ASTN2: variants seen among roughly 807,000 people sequenced by gnomAD.
The protein encoded by ASTN2 is astrotactin 2, also known as astrotactin-2.
ASTN2 carries 54 observed loss-of-function variants against 139.8 expected under a neutral mutation model. The ratio of observed to expected loss-of-function variants is 0.39; its 90% CI spans 0.31 to 0.48. ASTN2 has a LOEUF of 0.48. ASTN2 is among the 20% of genes least tolerant of loss of function. The probability of loss-of-function intolerance (pLI) is 0.95; values close to 1 mark genes in which losing one functional copy is unlikely to be tolerated. For missense variants in ASTN2, 1,565 were observed against 1,725.1 expected (o/e 0.91, Z 1.64); for synonymous variants, 756 against 719.5 (o/e 1.05, Z -0.81).
intron 1 of ASTN2, among the ~76,000 whole-genome samples, chr9:117,328,115 T>C (rs1271345520): frequency 6.6e-6 from 1 of 152,184 alleles, no homozygotes; most frequent in Non-Finnish European, 1.5e-5. Context: ...TCTCGAGTCC[T>C]TGCAATTGTT....
At chr9:117,005,230 A>C (rs1588474106) in intron 7 of ASTN2, among the ~76,000 whole-genome samples, 1 of 146,982 alleles carries the variant, frequency 6.8e-6, no homozygotes, top group Non-Finnish European at 1.5e-5. Flanking sequence ...GACTACAAGC[A>C]TGTGCCACCA....
intron 22 of ASTN2, among the ~76,000 whole-genome samples, chr9:116,435,092 AAAT>A (rs1325140949): frequency 1.3e-5 from 2 of 152,218 alleles, no homozygotes; most frequent in Non-Finnish European, 2.9e-5. Flanking sequence ...GCTGGAAGTC[AAAT>A]GATACTAACA....
intron 1 of ASTN2, among the ~76,000 whole-genome samples, chr9:117,397,229 C>T: frequency 6.6e-6 from 1 of 152,040 alleles, no homozygotes; most frequent in East Asian, 1.9e-4. Flanking sequence ...AAGCATTTAT[C>T]CTTTGAGTTA....
chr9:116,744,583 G>T (rs1829184796), intron 13 of ASTN2, among the ~76,000 whole-genome samples: 1 of 152,168 alleles, frequency 6.6e-6, no homozygotes, highest in Non-Finnish European at 1.5e-5. Context: ...GAGTCAGGAA[G>T]TAGAACCTGC....
intron 20 of ASTN2, among the ~76,000 whole-genome samples, chr9:116,454,102 C>T (rs572873117): frequency 8.5e-5 from 13 of 152,190 alleles, no homozygotes; most frequent in Non-Finnish European, 1.8e-4. Context: ...CTTCTGCAAG[C>T]TCTTCCAACA....
chr9:116,613,463 T>C (rs1422918865), intron 19 of ASTN2: 2 of 152,402 alleles, frequency 1.3e-5, no homozygotes, highest in African/African-American at 4.8e-5. Context: ...TGAACATCGA[T>C]GCAAAAATCT....
At chr9:117,205,763 C>T (rs138859519) in intron 3 of ASTN2, among the ~76,000 whole-genome samples, 9 of 152,208 alleles carry the variant, frequency 5.9e-5, no homozygotes, top group Non-Finnish European at 1.2e-4. Flanking sequence ...GTGTCTGAAC[C>T]GGGATCTCCA....
At chr9:116,759,172 G>T (rs10817930) in intron 13 of ASTN2, among the ~76,000 whole-genome samples, 17 of 152,018 alleles carry the variant, frequency 1.1e-4, no homozygotes, top group Admixed American at 2.0e-4. Context: ...GAGCCACCAT[G>T]GTTGGCCCAT....
intron 1 of ASTN2, among the ~76,000 whole-genome samples, chr9:117,296,951 G>A (rs1026817678): frequency 5.3e-5 from 8 of 152,128 alleles, no homozygotes; most frequent in Non-Finnish European, 8.8e-5. Flanking sequence ...ATCCTGCCTC[G>A]GTGGCCACTG....
intron 5 of ASTN2, among the ~76,000 whole-genome samples, chr9:117,040,299 T>C (rs1481844310): frequency 1.3e-5 from 2 of 152,180 alleles, no homozygotes; most frequent in African/African-American, 2.4e-5. Context: ...AAGCCCTCCA[T>C]TCTCCTTAGA....
At chr9:116,761,025 G>C (rs890253033) in intron 13 of ASTN2, among the ~76,000 whole-genome samples, 1 of 152,234 alleles carries the variant, frequency 6.6e-6, no homozygotes, top group Non-Finnish European at 1.5e-5. Context: ...GAAATGGGCA[G>C]CTCTGGCTGG....
At chr9:117,122,673 C>T (rs1829587574) in intron 4 of ASTN2, among the ~76,000 whole-genome samples, 2 of 152,092 alleles carry the variant, frequency 1.3e-5, no homozygotes, top group Admixed American at 6.6e-5. Context: ...GACAATCCTC[C>T]CTTTTGCTTG....
intron 19 of ASTN2, among the ~76,000 whole-genome samples, chr9:116,599,780 G>A (rs547246865): frequency 3.9e-5 from 6 of 152,302 alleles, no homozygotes; most frequent in Non-Finnish European, 8.8e-5. Flanking sequence ...TAATGTCTGA[G>A]AGGGGAATTT....
At chr9:117,159,414 G>A (rs964712640) in intron 3 of ASTN2, among the ~76,000 whole-genome samples, 2 of 152,000 alleles carry the variant, frequency 1.3e-5, no homozygotes, top group Non-Finnish European at 2.9e-5. Context: ...TGAGGAAGGC[G>A]GATGAAGGTT....
chr9:117,303,970 G>C (rs769539243), intron 1 of ASTN2, among the ~76,000 whole-genome samples: 1 of 152,190 alleles, frequency 6.6e-6, no homozygotes, highest in Non-Finnish European at 1.5e-5. Flanking sequence ...GCTTGATGGA[G>C]GCAGAGAGAA....
At chr9:117,103,336 C>A (rs10122000) in intron 4 of ASTN2, among the ~76,000 whole-genome samples, 1,854 of 152,204 alleles carry the variant, frequency 0.012, 43 homozygotes, top group African/African-American at 0.042. Context: ...CTCAATTTTG[C>A]TGCTAAATAA....
At chr9:117,029,594 A>T (rs1002943012) in intron 6 of ASTN2, among the ~76,000 whole-genome samples, 3 of 151,990 alleles carry the variant, frequency 2.0e-5, no homozygotes, top group African/African-American at 7.2e-5. Context: ...AAGGCCGGAG[A>T]TGGTGTTTTA....
intron 15 of ASTN2, among the ~76,000 whole-genome samples, chr9:116,727,092 C>T (rs1828649207): frequency 6.6e-6 from 1 of 151,582 alleles, no homozygotes; most frequent in African/African-American, 2.4e-5. Flanking sequence ...TAAGTCACAC[C>T]TATGCTTCAA....
At chr9:117,087,402 T>C (rs1432232398) in intron 5 of ASTN2, among the ~76,000 whole-genome samples, 2 of 152,022 alleles carry the variant, frequency 1.3e-5, no homozygotes, top group African/African-American at 2.4e-5. Flanking sequence ...ATCTGGCTAA[T>C]TTTTTTGTAG....
Sources: gnomAD v4.1 joint callset for allele counts (sites outside exome capture counted in the v4.1 genomes callset) on GRCh38, gnomAD v4.1.1 for gene constraint, MANE v1.5 for transcripts, NCBI Gene and HGNC (gene_info 2026-07-23, HGNC 2026-07-21) for gene names.